Variants in PKP4 observed in about 807,000 individuals in gnomAD.
The protein encoded by PKP4 is plakophilin-4.
Under a neutral mutation model 145.1 loss-of-function variants are expected in PKP4, and 90 were observed. The ratio of observed to expected loss-of-function variants is 0.62; its 90% CI spans 0.52 to 0.74. The LOEUF is 0.74. Among genes scored for constraint, PKP4 ranks in the 30% least tolerant of loss-of-function variants. PKP4 has a pLI of 0.00. For synonymous variants in PKP4, 563 were observed against 577.2 expected, an observed-to-expected ratio of 0.98 and a Z score of 0.35; for missense variants, 1,340 against 1,482.7, an observed-to-expected ratio of 0.90 and a Z score of 1.58.
intron 15 of PKP4, among the ~76,000 whole-genome samples, chr2:158,663,933 T>C (rs1431788996): frequency 6.6e-6 from 1 of 152,148 alleles, no homozygotes; most frequent in Non-Finnish European, 1.5e-5. Flanking sequence ...GACAGTCTTG[T>C]GGTGCAGAGA....
intron 1 of PKP4, among the ~76,000 whole-genome samples, chr2:158,463,037 T>C (rs1191543693): frequency 2.6e-5 from 4 of 152,222 alleles, no homozygotes; most frequent in Admixed American, 6.5e-5. Flanking sequence ...AAAATGATTA[T>C]GGATTTCAAC....
At chr2:158,572,687 C>G (rs138018152) in intron 2 of PKP4, among the ~76,000 whole-genome samples, 41 of 152,292 alleles carry the variant, frequency 2.7e-4, no homozygotes, top group African/African-American at 9.6e-4. Flanking sequence ...AAGACATTTT[C>G]CCCCGATAGT....
At chr2:158,623,778 T>C (rs1474957156) in intron 6 of PKP4, among the ~76,000 whole-genome samples, 1 of 152,210 alleles carries the variant, frequency 6.6e-6, no homozygotes, top group Non-Finnish European at 1.5e-5. Flanking sequence ...TGTGGGTTGA[T>C]GACAACTAGA....
At position 158,582,650 on chromosome 2, in the gene PKP4, C is replaced by T. The variant is rs367809338; in HGVS notation, c.245+5267C>T. Among the ~76,000 whole-genome samples, 24 of 152,272 alleles carry T rather than the reference C, an allele frequency of 1.6e-4. 2 individuals are homozygous for T. The highest frequency in any genetic ancestry group is 1.2e-3 in the South Asian group (6 of 4,818). On this transcript the variant is annotated intron_variant, in intron 3 of 21. Coordinates refer to ENST00000389759, the MANE Select transcript of PKP4 (RefSeq NM_003628.6). The stretch of plus-strand genomic sequence containing the variant: ...GGGCTGAGGCTTAAGTGGTTTCTCC[C>T]GTGTGTCCCCATTAACATACTGCTG...
chr2:158,666,599 G>C, intron 16 of PKP4, 36 bp downstream of exon 16: 2 of 1,542,648 alleles, frequency 1.3e-6, no homozygotes, highest in Non-Finnish European at 1.7e-6. Flanking sequence ...GTAAATGTGA[G>C]AGCAGCTACA....
chr2:158,469,905 C>T (rs1172130067), intron 1 of PKP4, among the ~76,000 whole-genome samples: 1 of 152,182 alleles, frequency 6.6e-6, no homozygotes, highest in East Asian at 1.9e-4. Context: ...TCCTTCTCTG[C>T]CTGGTGAGCC....
intron 15 of PKP4, chr2:158,666,192 GA>G: frequency 3.0e-6 from 1 of 333,832 alleles, no homozygotes; most frequent in Non-Finnish European, 5.4e-6. Flanking sequence ...GGTGGTTTGA[GA>G]TTTTCAGGCT....
intron 2 of PKP4, among the ~76,000 whole-genome samples, chr2:158,575,027 A>G (rs2047727278): frequency 6.6e-6 from 1 of 152,268 alleles, no homozygotes; most frequent in South Asian, 2.1e-4. Context: ...AAAGGAATTC[A>G]TTAAGGGATT....
intron 2 of PKP4, among the ~76,000 whole-genome samples, chr2:158,570,928 T>C (rs943129972): frequency 2.0e-5 from 3 of 152,052 alleles, no homozygotes; most frequent in Non-Finnish European, 4.4e-5. Flanking sequence ...AACTTGAGCA[T>C]TAGACTAAAA....
chr2:158,590,639 A>G (rs1179305486), intron 3 of PKP4, among the ~76,000 whole-genome samples: 2 of 152,128 alleles, frequency 1.3e-5, no homozygotes, highest in African/African-American at 4.8e-5. Context: ...CAGTAAAGAC[A>G]TTTGTAAATG....
chr2:158,526,164 G>T (rs1181623500), intron 1 of PKP4, among the ~76,000 whole-genome samples: 14 of 137,264 alleles, frequency 1.0e-4, no homozygotes, highest in East Asian at 6.7e-4. Flanking sequence ...TACCAAAGCC[G>T]GGCAGAGACA....
In PKP4 at chr2:158,669,736, A is replaced by G; in HGVS notation, c.2745A>G (p.Arg915=). The stretch of plus-strand genomic sequence containing the variant: ...CGTTGGCAGGCAAATACGCCATGCG[A>G]GACCTGGTCAACCGGCTCCCCGGCG... ...NKELIGKYAM[R]DLVNRLPGGN... The change falls in exon 17 of 22, where the codon CGA becomes CGG. Residue 915 remains arginine, a synonymous_variant. Transcript: ENST00000389759. 6.3e-7 allele frequency: 1 copy of G among 1,596,400 alleles called. No homozygotes were observed. Among genetic ancestry groups the G allele is most frequent in the Non-Finnish European group, 8.6e-7 (1 of 1,168,260 alleles).
In PKP4 at chr2:158,624,964, G is replaced by T; in HGVS notation, c.690G>T (p.Val230=). The T allele has an allele frequency of 1.2e-6, 2 of 1,614,110 alleles. No homozygotes were observed. Among genetic ancestry groups the T allele is most frequent in the African/African-American group, 2.7e-5 (2 of 75,026 alleles). The change falls in exon 7 of 22, where the codon GTG becomes GTT. Residue 230 remains valine (V), a synonymous_variant. Transcript: ENST00000389759. ...QSPSYVISTG[V]SPSRGSLRTS... ...CTTCTTATGTTATCAGCACAGGCGT[G>T]TCTCCTTCAAGGGGGTCTCTGAGAA...
chr2:158,612,133 A>ACG (rs1334493980), intron 4 of PKP4, among the ~76,000 whole-genome samples: 1 of 152,096 alleles, frequency 6.6e-6, no homozygotes, highest in Non-Finnish European at 1.5e-5. Flanking sequence ...ACACACACAC[A>ACG]TAATGTATAG....
At position 158,487,689 on chromosome 2, in the gene PKP4, A is replaced by G. The variant is rs1336998306; in HGVS notation, c.-6+30471A>G. ...CTATTCCACACTTTTTCTTTATACC[A>G]CTTTGAATGCTGAGTAAGGACATTG... On this transcript the variant is annotated intron_variant, in intron 1 of 21. Transcript: ENST00000389759. Among the ~76,000 whole-genome samples, 9 of 152,124 alleles carry G rather than the reference A, an allele frequency of 5.9e-5. 1 individual carries two copies. The highest frequency in any genetic ancestry group is 1.3e-4 in the Non-Finnish European group (9 of 68,018).
intron 1 of PKP4, among the ~76,000 whole-genome samples, chr2:158,521,280 C>T (rs1380650854): frequency 6.6e-6 from 1 of 152,184 alleles, no homozygotes; most frequent in Admixed American, 6.5e-5. Flanking sequence ...GTATTGACTA[C>T]TCATTGCAGT....
At chr2:158,468,969 C>T (rs181051430) in intron 1 of PKP4, among the ~76,000 whole-genome samples, 8 of 151,700 alleles carry the variant, frequency 5.3e-5, no homozygotes, top group Admixed American at 2.6e-4. Flanking sequence ...TTTGTAGGGG[C>T]GATCTGGCCA....
chr2:158,491,956 G>A (rs1197558959), intron 1 of PKP4, among the ~76,000 whole-genome samples: 1 of 151,914 alleles, frequency 6.6e-6, no homozygotes, highest in Admixed American at 6.6e-5. Context: ...GCACAGGTGC[G>A]CATCACCATG....
At chr2:158,562,549 T>C (rs1164616011) in intron 2 of PKP4, among the ~76,000 whole-genome samples, 3 of 152,178 alleles carry the variant, frequency 2.0e-5, no homozygotes, top group Non-Finnish European at 4.4e-5. Context: ...TGGAGATGGA[T>C]GATGGTGATG....
Sources: gnomAD v4.1 joint callset for allele counts (sites outside exome capture counted in the v4.1 genomes callset) on GRCh38, gnomAD v4.1.1 for gene constraint, MANE v1.5 for transcripts, NCBI Gene and HGNC (gene_info 2026-07-23, HGNC 2026-07-21) for gene names.